The following DYNC1LI2 variants were observed in gnomAD, a reference collection of about 807,000 sequenced individuals.
DYNC1LI2 encodes cytoplasmic dynein 1 light intermediate chain 2.
Under a neutral mutation model 57.8 loss-of-function variants are expected in DYNC1LI2, and 19 were observed. That is an observed-to-expected ratio of 0.33 (90% CI 0.23 to 0.48). The LOEUF (loss-of-function observed/expected upper bound fraction) is 0.48. DYNC1LI2 is among the 20% of genes least tolerant of loss of function. The pLI is 0.99. For missense variants in DYNC1LI2, 470 were observed against 604.2 expected (o/e 0.78, Z 2.33); for synonymous variants, 256 against 233.4 (o/e 1.10, Z -0.88).
intron 4 of DYNC1LI2, among the ~76,000 whole-genome samples, chr16:66,736,510 G>GC (rs1555505659): frequency 6.6e-6 from 1 of 151,442 alleles, no homozygotes; most frequent in East Asian, 1.9e-4. Context: ...CCCTGAACAG[G>GC]TTTTTTTTTC....
At chr16:66,748,045 G>A (rs1156463504) in intron 3 of DYNC1LI2, among the ~76,000 whole-genome samples, 1 of 151,970 alleles carries the variant, frequency 6.6e-6, no homozygotes, top group African/African-American at 2.4e-5. Flanking sequence ...CCAGCACTTT[G>A]AGAGGCTGAG....
At position 66,723,617 on chromosome 16, in the gene DYNC1LI2, G is replaced by A. The variant is rs1351330387; in HGVS notation, c.*105C>T. On this transcript the variant is annotated 3_prime_UTR_variant, in exon 13 of 13. Transcript: ENST00000258198. ...TTTTTTTTTAAAGTTCATCTCCCCT[G>A]CCCCAAAAAACTGATAGCATGTGCC... The A allele has an allele frequency of 6.5e-6, 6 of 923,538 alleles. No homozygotes were observed. The highest frequency in any genetic ancestry group is 9.7e-6 in the Non-Finnish European group (6 of 619,592). 57.2% of individuals were successfully genotyped at this position (923,538 alleles called of 1,614,324 possible).
intron 12 of DYNC1LI2, among the ~76,000 whole-genome samples, chr16:66,725,178 CAA>C (rs34062942): frequency 8.9e-5 from 11 of 123,170 alleles, no homozygotes; most frequent in Non-Finnish European, 6.8e-5. Flanking sequence ...CCATCTCTAT[CAA>C]AAAAAAAAAA....
chr16:66,736,838 A>G (rs1028609050), intron 4 of DYNC1LI2, among the ~76,000 whole-genome samples: 1 of 152,204 alleles, frequency 6.6e-6, no homozygotes, highest in Non-Finnish European at 1.5e-5. Context: ...TAAGGTTTCA[A>G]TAGTTCTTAC....
At chr16:66,739,773 A>C (rs1270988051) in intron 4 of DYNC1LI2, among the ~76,000 whole-genome samples, 1 of 152,218 alleles carries the variant, frequency 6.6e-6, no homozygotes, top group Non-Finnish European at 1.5e-5. Flanking sequence ...GCAAATATAC[A>C]TAACATGAGT....
intron 6 of DYNC1LI2, 27 bp from the exon 7 acceptor site, chr16:66,732,501 A>G (rs1567450831): frequency 3.1e-6 from 5 of 1,602,304 alleles, no homozygotes; most frequent in African/African-American, 2.7e-5. Flanking sequence ...AGAAAAATCA[A>G]TTCACTGCAG....
chr16:66,744,099 TGA>T, intron 3 of DYNC1LI2, among the ~76,000 whole-genome samples: 1 of 152,258 alleles, frequency 6.6e-6, no homozygotes, highest in Non-Finnish European at 1.5e-5. Context: ...AGACAGCGTC[TGA>T]GACACCCAGG....
chr16:66,735,346 C>A (rs2144985712), intron 5 of DYNC1LI2, among the ~76,000 whole-genome samples: 1 of 152,088 alleles, frequency 6.6e-6, no homozygotes, highest in South Asian at 2.1e-4. Flanking sequence ...AATGATCCAC[C>A]CACCTGAGCC....
intron 5 of DYNC1LI2, among the ~76,000 whole-genome samples, chr16:66,735,056 G>T (rs1011812341): frequency 2.1e-5 from 3 of 140,804 alleles, no homozygotes; most frequent in Non-Finnish European, 4.6e-5. Flanking sequence ...TTATATAAGA[G>T]ATACAACTTT....
Position 66,736,119 on chromosome 16 carries a change from G to A in DYNC1LI2, c.655C>T (p.Leu219=). 1.2e-6 allele frequency: 2 copies of A among 1,614,100 alleles called. No individual in the cohort carries two copies. The highest frequency in any genetic ancestry group is 1.7e-6 in the Non-Finnish European group (2 of 1,180,038). The part of the protein sequence containing the change: ...NVALPLGDNV[L]THNLGIPVLV... Reference sequence around the variant, plus strand: ...ACCGGGATCCCCAGGTTATGAGTCAGCACATTGTCACCCAGAGGCAGGGCA... The same window carrying A: ...ACCGGGATCCCCAGGTTATGAGTCAACACATTGTCACCCAGAGGCAGGGCA... Residue 219 remains leucine (L), a synonymous_variant, in exon 5 of 13, where the codon CTG becomes TTG. Transcript: ENST00000258198.
Position 66,723,599 on chromosome 16 carries a change from TTA to T in DYNC1LI2, c.*121_*122del. 4 of 805,098 alleles carry T rather than the reference TTA, an allele frequency of 5.0e-6. No individual in the cohort carries two copies. The highest frequency in any genetic ancestry group is 1.8e-5 in the South Asian group (1 of 56,728). 49.9% of individuals were successfully genotyped at this position (805,098 alleles called of 1,614,324 possible). A position where few individuals can be genotyped will look rare whatever the true frequency, so the allele number is the denominator to read the frequency against. ...AGCCAATGAAGTTTTTTTTTTTTTT[TTA>T]AAGTTCATCTCCCCTGCCCCAAAAA... is the stretch of plus-strand genomic sequence containing the variant. On this transcript the variant is annotated 3_prime_UTR_variant, in exon 13 of 13. Transcript: ENST00000258198.
In DYNC1LI2 at chr16:66,751,164, G is replaced by T. The variant is rs1368971186; in HGVS notation, c.181+109C>A. 4 of 1,301,364 alleles carry T rather than the reference G, an allele frequency of 3.1e-6. No homozygotes were observed. Among genetic ancestry groups the T allele is most frequent in the African/African-American group, 3.0e-5 (2 of 65,708 alleles). The allele number at this position is 1,301,364 out of a possible 1,614,324, so 80.6% of individuals were successfully genotyped here. A position where few individuals can be genotyped will look rare whatever the true frequency, so the allele number is the denominator to read the frequency against. ...GGCCAGGGCCGACGGTCCCTTTCCC[G>T]CCAGGCTGCGGGCAGGCGGCTGGAA... is the stretch of plus-strand genomic sequence containing the variant. On this transcript the variant is annotated intron_variant, in intron 2 of 12. Coordinates refer to ENST00000258198, the MANE Select transcript of DYNC1LI2 (RefSeq NM_006141.3). The surrounding 1 kb of genome is among the most constrained non-coding windows in gnomAD (Gnocchi z 5.2).
chr16:66,737,774 G>C (rs1001690492), intron 4 of DYNC1LI2, among the ~76,000 whole-genome samples: 2 of 152,186 alleles, frequency 1.3e-5, no homozygotes, highest in African/African-American at 2.4e-5. Flanking sequence ...GCTAAGGAAG[G>C]CCATTAAGGT....
intron 11 of DYNC1LI2, among the ~76,000 whole-genome samples, chr16:66,726,566 G>A (rs993186785): frequency 2.6e-5 from 4 of 152,214 alleles, no homozygotes; most frequent in Non-Finnish European, 5.9e-5. Flanking sequence ...GACCAAGGGC[G>A]TAGGACTGCT....
chr16:66,745,911 G>GA (rs369852325), intron 3 of DYNC1LI2, among the ~76,000 whole-genome samples: 23 of 148,918 alleles, frequency 1.5e-4, no homozygotes, highest in African/African-American at 5.4e-4. Flanking sequence ...CTCAAAAAAA[G>GA]AAAAAAAATA....
At chr16:66,737,301 A>G (rs1050122535) in intron 4 of DYNC1LI2, among the ~76,000 whole-genome samples, 1 of 151,908 alleles carries the variant, frequency 6.6e-6, no homozygotes, top group African/African-American at 2.4e-5. Context: ...ACAAAAAACA[A>G]AAACAAACAA....
At chr16:66,745,485 C>T (rs939467165) in intron 3 of DYNC1LI2, among the ~76,000 whole-genome samples, 5 of 149,264 alleles carry the variant, frequency 3.3e-5, no homozygotes, top group Admixed American at 1.3e-4. Flanking sequence ...ACCACGTTGT[C>T]CAGGCTGGTC....
chr16:66,729,805 T>C (rs755378264), intron 8 of DYNC1LI2, among the ~76,000 whole-genome samples: 2 of 151,964 alleles, frequency 1.3e-5, no homozygotes, highest in Admixed American at 6.6e-5. Flanking sequence ...TTTTTTGATA[T>C]GGAGTCTCAC....
chr16:66,742,868 T>C (rs2017865324), intron 3 of DYNC1LI2, among the ~76,000 whole-genome samples, 200 bp from the exon 4 acceptor site: 1 of 152,078 alleles, frequency 6.6e-6, no homozygotes, highest in Non-Finnish European at 1.5e-5. Context: ...AAAACTACAG[T>C]AATATAGGGT....
Sources: gnomAD v4.1 joint callset for allele counts (sites outside exome capture counted in the v4.1 genomes callset) on GRCh38, gnomAD v4.1.1 for gene constraint, Gnocchi (gnomAD v3.1) non-coding constraint, MANE v1.5 for transcripts, NCBI Gene and HGNC (gene_info 2026-07-23, HGNC 2026-07-21) for gene names.